FLCN: variants seen among roughly 807,000 people sequenced by gnomAD.
The protein encoded by FLCN is folliculin, also known as BHD skin lesion fibrofolliculoma protein.
In FLCN, 22 loss-of-function variants were observed where a neutral mutation model predicts 62.5. That is an observed-to-expected ratio of 0.35 (90% confidence interval 0.25 to 0.50). FLCN has a LOEUF of 0.50. FLCN is among the 20% of genes least tolerant of loss of function. The pLI, the probability that FLCN is intolerant of heterozygous loss-of-function variation, is 0.97. For missense variants in FLCN, 657 were observed against 778.0 expected (o/e 0.84, Z 1.85); for synonymous variants, 319 against 310.0 (o/e 1.03, Z -0.30).
rs2047598690 is a variant in FLCN at position 17,236,963 on chromosome 17, C to CTGGA, written c.-280_-279insTCCA. 6.6e-6 allele frequency: 1 copy of CTGGA among 152,066 alleles called. No individual in the cohort carries two copies. Among genetic ancestry groups the CTGGA allele is most frequent in the African/African-American group, 2.4e-5 (1 of 41,286 alleles). The allele number at this position is 152,066 out of a possible 1,614,324, so 9.4% of individuals were successfully genotyped here. On this transcript the variant is annotated 5_prime_UTR_variant, in exon 1 of 14. Transcript: ENST00000285071. ...ACACCTGGACTCGGCAGCCGGGGTC[C>CTGGA]CGCTCTGGGTCCCAGCCCCGCCCCT...
chr17:17,215,284 C>A lies in FLCN; in HGVS notation c.1333G>T (p.Ala445Ser), dbSNP rs41419545. Reference sequence around the variant, plus strand: ...CCCACAGGGTGGAGGGTGGAACGTGCGGCTGCGTGGACCTCCACGATGACA... The same window carrying A: ...CCCACAGGGTGGAGGGTGGAACGTGAGGCTGCGTGGACCTCCACGATGACA... ...FAVIVEVHAAARSTLHPVGCE... is the reference protein window; with the variant it reads ...FAVIVEVHAASRSTLHPVGCE... The change falls in exon 12 of 14, where the codon GCA becomes TCA. Residue 445 changes from alanine (A) to serine (S), a missense_variant. Ala to Ser is a moderately conservative substitution (Grantham distance 99). Coordinates refer to ENST00000285071, the MANE Select transcript of FLCN (RefSeq NM_144997.7). 1 of 1,614,082 alleles carries A rather than the reference C, an allele frequency of 6.2e-7. No homozygotes were observed. The highest frequency in any genetic ancestry group is 1.3e-5 in the African/African-American group (1 of 75,046).
In FLCN at chr17:17,227,951, G is replaced by A. The variant is rs2047305711; in HGVS notation, c.187C>T (p.Pro63Ser). The A allele has an allele frequency of 1.2e-6, 2 of 1,614,014 alleles. No homozygotes were observed. The highest frequency in any genetic ancestry group is 1.7e-6 in the Non-Finnish European group (2 of 1,180,046). ...GACTCGACGCTGGCCCCCTCTGCGGGGCTGTGCGCACGCATCCGACTGTTC... is the reference window on the plus strand; with the variant it reads ...GACTCGACGCTGGCCCCCTCTGCGGAGCTGTGCGCACGCATCCGACTGTTC... ...QMNSRMRAHS[P>S]AEGASVESSS... The change falls in exon 4 of 14, where the codon CCC becomes TCC. Residue 63 changes from proline (P) to serine (S), a missense_variant. Physicochemically the swap from Pro to Ser is moderately conservative, Grantham distance 74 (BLOSUM62 -1). Coordinates refer to ENST00000285071, the MANE Select transcript of FLCN (RefSeq NM_144997.7).
At chr17:17,222,419 T>C in intron 7 of FLCN, 82 bp downstream of exon 7, 2 of 1,594,376 alleles carry the variant, frequency 1.3e-6, no homozygotes, top group Admixed American at 3.4e-5. Context: ...AGGACTGTTC[T>C]CCCAAATCCA....
chr17:17,217,723 C>T (rs2046968731), intron 9 of FLCN: 1 of 206,994 alleles, frequency 4.8e-6, no homozygotes, highest in South Asian at 8.1e-5. Context: ...GTTGTCACGT[C>T]CTTATTCTTT....
chr17:17,226,729 C>T (rs1708619), intron 4 of FLCN, among the ~76,000 whole-genome samples: 73,091 of 152,004 alleles, frequency 0.48, 18,318 homozygotes, highest in East Asian at 0.62. Context: ...TACCCACTGC[C>T]CCCAGCCTCC....
chr17:17,226,226 G>T lies in FLCN; in HGVS notation c.346C>A (p.Gln116Lys), dbSNP rs398124536. ...YVSHQHPSHPQLFSIVRQACV... is the reference protein window; with the variant it reads ...YVSHQHPSHPKLFSIVRQACV... The stretch of plus-strand genomic sequence containing the variant: ...GCCTGGCGGACAATGCTGAAGAGCT[G>T]GGGGTGGCTGGGGTGCTGGTGGCTG... The change falls in exon 5 of 14, where the codon CAG becomes AAG. Residue 116 changes from glutamine to lysine, a missense_variant. Physicochemically the swap from Gln to Lys is moderately conservative, Grantham distance 53. Transcript: ENST00000285071. 5.5e-5 allele frequency: 89 copies of T among 1,614,022 alleles called. No homozygotes were observed. The highest frequency in any genetic ancestry group is 7.0e-5 in the Non-Finnish European group (83 of 1,180,040).
rs1289872207 is a variant in FLCN, at chr17:17,224,130, C to A, written c.410G>T (p.Arg137Leu). 6.3e-7 allele frequency: 1 copy of A among 1,592,222 alleles called. No homozygotes were observed. The highest frequency in any genetic ancestry group is 8.6e-7 in the Non-Finnish European group (1 of 1,168,956). Reference protein sequence around the residue: ...RSLSCEVCPGREGPIFFGDEQ... With the variant: ...RSLSCEVCPGLEGPIFFGDEQ... Reference sequence around the variant, plus strand: ...ATCTCCGAAGAAGATGGGGCCTTCACGGCCAGGGCAGACCTGGAGGGACAC... The same window carrying A: ...ATCTCCGAAGAAGATGGGGCCTTCAAGGCCAGGGCAGACCTGGAGGGACAC... The change falls in exon 6 of 14, where the codon CGT becomes CTT. Residue 137 changes from arginine to leucine, a missense_variant. Physicochemically the swap from Arg to Leu is moderately radical, Grantham distance 102 (BLOSUM62 -2). Coordinates refer to ENST00000285071, the MANE Select transcript of FLCN (RefSeq NM_144997.7).
intron 2 of FLCN, among the ~76,000 whole-genome samples, chr17:17,232,348 G>A (rs1017147930): frequency 2.6e-5 from 4 of 152,188 alleles, no homozygotes; most frequent in African/African-American, 9.7e-5. Context: ...GTGCCTTCCT[G>A]ACACACAGGA....
rs528541881 is a variant in FLCN at position 17,216,464 on chromosome 17, T to C, written c.1216A>G (p.Ser406Gly). Residue 406 changes from serine to glycine, a missense_variant, in exon 11 of 14, where the codon AGC (serine) becomes GGC (glycine). Transcript: ENST00000285071. The surrounding 1 kb of genome is among the most constrained non-coding windows in gnomAD (Gnocchi z 4.0). Reference sequence around the variant, plus strand: ...CGATAGGCCTCCTCGTACTGGCTGCTGTATGGGATGATGCGGACGCAGCCC... The same window carrying C: ...CGATAGGCCTCCTCGTACTGGCTGCCGTATGGGATGATGCGGACGCAGCCC... Reference protein sequence around the residue: ...PVGCVRIIPYSSQYEEAYRCN... With the variant: ...PVGCVRIIPYGSQYEEAYRCN... 3.5e-5 allele frequency: 56 copies of C among 1,613,738 alleles called. No individual in the cohort carries two copies. Among genetic ancestry groups the C allele is most frequent in the Non-Finnish European group, 4.4e-5 (52 of 1,179,896 alleles).
At chr17:17,234,196 C>A (rs1389133623) in intron 1 of FLCN, among the ~76,000 whole-genome samples, 1 of 149,936 alleles carries the variant, frequency 6.7e-6, no homozygotes, top group Non-Finnish European at 1.5e-5. Context: ...ATGGGCTACA[C>A]TGTTTTGTTT....
intron 8 of FLCN, 91 bp downstream of exon 8, chr17:17,221,446 T>G (rs765084707): frequency 5.8e-5 from 93 of 1,613,560 alleles, no homozygotes; most frequent in Non-Finnish European, 7.5e-5. Context: ...CGCGTTTCCC[T>G]CCCTCAGCGA....
Position 17,213,494 on chromosome 17 carries a change from C to T in FLCN, c.*161G>A, listed in dbSNP as rs1222655390. On this transcript the variant is annotated 3_prime_UTR_variant, in exon 14 of 14. Coordinates refer to ENST00000285071, the MANE Select transcript of FLCN (RefSeq NM_144997.7). ...AGGGAGAGTCTGGGAAGCACACAGG[C>T]CCCAAACCTGACAGGGCCGAGCCCA... 5 of 910,306 alleles carry T rather than the reference C, an allele frequency of 5.5e-6. No individual in the cohort carries two copies. Among genetic ancestry groups the T allele is most frequent in the Non-Finnish European group, 8.7e-6 (5 of 577,476 alleles). 56.4% of individuals were successfully genotyped at this position (910,306 alleles called of 1,614,324 possible). A position where few individuals can be genotyped will look rare whatever the true frequency, so the allele number is the denominator to read the frequency against.
At chr17:17,223,883 G>A in intron 6 of FLCN, 39 bp downstream of exon 6, 1 of 1,608,920 alleles carries the variant, frequency 6.2e-7, no homozygotes, top group Middle Eastern at 1.7e-4. Context: ...ATGCAGTGCA[G>A]GGCCCCCTGC....
chr17:17,214,078 C>T (rs944708791), intron 13 of FLCN, among the ~76,000 whole-genome samples: 3 of 152,118 alleles, frequency 2.0e-5, no homozygotes, highest in South Asian at 4.1e-4. Context: ...GGCCCTCTGT[C>T]GGGTATGGGT....
At chr17:17,218,297 T>C (rs1230320548) in intron 9 of FLCN, among the ~76,000 whole-genome samples, 1 of 152,164 alleles carries the variant, frequency 6.6e-6, no homozygotes, top group East Asian at 1.9e-4. Flanking sequence ...TTCTTCTAAT[T>C]AATCATATTC....
rs1398639149 is a variant in FLCN at position 17,216,350 on chromosome 17, C to T, written c.1300+30G>A. On this transcript the variant is annotated intron_variant, in intron 11 of 13. Coordinates refer to ENST00000285071, the MANE Select transcript of FLCN (RefSeq NM_144997.7). This position sits in a 1 kb window ranked among gnomAD's most constrained non-coding sequence, Gnocchi z 4.0. ...AGGCGTGGGGAACCTCAGCGCAGGG[C>T]ATGGCCCCACAGCCCGCGGGGGCAC... The T allele has an allele frequency of 1.9e-6, 3 of 1,612,374 alleles. No homozygotes were observed. Among genetic ancestry groups the T allele is most frequent in the Admixed American group, 3.3e-5 (2 of 59,930 alleles).
chr17:17,223,543 A>G (rs1567818818), intron 6 of FLCN, among the ~76,000 whole-genome samples: 1 of 152,220 alleles, frequency 6.6e-6, no homozygotes. Context: ...CCAGAGCACG[A>G]CCTGGCCTGG....
chr17:17,218,180 TC>T (rs2144882487), intron 9 of FLCN, among the ~76,000 whole-genome samples: 1 of 152,268 alleles, frequency 6.6e-6, no homozygotes, highest in South Asian at 2.1e-4. Context: ...CACCCCTCTC[TC>T]CCGGCATCTG....
chr17:17,226,072 G>T, intron 5 of FLCN, 104 bp downstream of exon 5: 1 of 1,518,876 alleles, frequency 6.6e-7, no homozygotes, highest in Non-Finnish European at 9.0e-7. Flanking sequence ...CCTGAGAGAG[G>T]ACCAGTGCCT....
Sources: gnomAD v4.1 joint callset for allele counts (sites outside exome capture counted in the v4.1 genomes callset) on GRCh38, gnomAD v4.1.1 for gene constraint, Gnocchi (gnomAD v3.1) non-coding constraint, MANE v1.5 for transcripts, NCBI Gene and HGNC (gene_info 2026-07-23, HGNC 2026-07-21) for gene names.